Variants in TTPAL observed in about 807,000 individuals in gnomAD.
The protein encoded by TTPAL is alpha tocopherol transfer protein like, also known as alpha-tocopherol transfer protein-like.
TTPAL carries 21 observed loss-of-function variants against 28.7 expected under a neutral mutation model. The observed-to-expected ratio is 0.73, with a 90% CI of 0.52 to 1.06. TTPAL has a LOEUF of 1.06. Among genes scored for constraint, TTPAL ranks in the 50% least tolerant of loss-of-function variants. The pLI is 0.00. For missense variants in TTPAL, 345 were observed against 425.5 expected (o/e 0.81, Z 1.67); for synonymous variants, 169 against 171.9 (o/e 0.98, Z 0.13).
At chr20:44,479,417 T>C (rs937083994) in intron 1 of TTPAL, among the ~76,000 whole-genome samples, 4 of 146,528 alleles carry the variant, frequency 2.7e-5, no homozygotes, top group African/African-American at 5.0e-5. Context: ...TTTTTTTTTT[T>C]TTTTTTTTTT....
In TTPAL at chr20:44,489,991, G is replaced by A. The variant is rs988548145; in HGVS notation, c.*450G>A. On this transcript the variant is annotated 3_prime_UTR_variant, in exon 5 of 5. Coordinates refer to ENST00000262605, the MANE Select transcript of TTPAL (RefSeq NM_001039199.3). The stretch of plus-strand genomic sequence containing the variant: ...CTTCAGTGTGACCAAATGTGAGACT[G>A]GGAGTTTGTGTTTTTCACAGGAACC... The A allele has an allele frequency of 1.7e-5, 3 of 175,138 alleles. No individual in the cohort carries two copies. The highest frequency in any genetic ancestry group is 3.7e-5 in the Non-Finnish European group (3 of 80,388). The allele number at this position is 175,138 out of a possible 1,614,324, so 10.8% of individuals were successfully genotyped here.
At position 44,484,417 on chromosome 20, in the gene TTPAL, G is replaced by A; in HGVS notation, c.526G>A (p.Glu176Lys). The A allele has an allele frequency of 6.2e-7, 1 of 1,608,480 alleles. No homozygotes were observed. The highest frequency in any genetic ancestry group is 8.5e-7 in the Non-Finnish European group (1 of 1,175,304). The part of the protein sequence containing the change: ...YLTLEKLIQS[E>K]ETQVNGIVIL... ...GACCTTAGAAAAACTCATTCAGTCT[G>A]AAGAAACCCAGGTGAATGGAATTGT... Residue 176 changes from glutamate to lysine, a missense_variant, in exon 3 of 5, where the codon GAA becomes AAA. Physicochemically the swap from Glu to Lys is moderately conservative, Grantham distance 56. Transcript: ENST00000262605.
In TTPAL at chr20:44,484,397, T is replaced by C. The variant is rs1453316627; in HGVS notation, c.506T>C (p.Leu169Ser). 1.2e-6 allele frequency: 2 copies of C among 1,606,118 alleles called. No homozygotes were observed. The highest frequency in any genetic ancestry group is 8.5e-7 in the Non-Finnish European group (1 of 1,173,402). The change falls in exon 3 of 5, where the codon TTA becomes TCA. Residue 169 changes from leucine (L) to serine (S), a missense_variant. Leu to Ser is a moderately radical substitution (Grantham distance 145). Transcript: ENST00000262605. ...TENIRAIYLTLEKLIQSEETQ... is the reference protein window; with the variant it reads ...TENIRAIYLTSEKLIQSEETQ... ...AACATCCGAGCCATATACTTGACCT[T>C]AGAAAAACTCATTCAGTCTGAAGAA...
At chr20:44,484,766 A>C (rs1376311237) in intron 3 of TTPAL, among the ~76,000 whole-genome samples, 1 of 152,250 alleles carries the variant, frequency 6.6e-6, no homozygotes, top group Non-Finnish European at 1.5e-5. Flanking sequence ...AAAAAACTAG[A>C]GAATTTGCTT....
Position 44,480,206 on chromosome 20 carries a change from C to T in TTPAL, c.207C>T (p.Tyr69=), listed in dbSNP as rs201349040. 129 of 1,614,118 alleles carry T rather than the reference C, an allele frequency of 8.0e-5. No individual in the cohort carries two copies. The East Asian group carries it at 2.7e-3, about 34-fold the overall frequency. The change falls in exon 2 of 5, where the codon TAC becomes TAT. Residue 69 remains tyrosine, a synonymous_variant. Transcript: ENST00000262605. The surrounding 1 kb of genome is among the most constrained non-coding windows in gnomAD (Gnocchi z 4.1). ...QALRDMVRKE[Y]PNLSTSLDDA... ...TTCGTGACATGGTGCGGAAGGAGTA[C>T]CCCAACCTGAGCACATCCCTCGACG...
In TTPAL at chr20:44,486,585, T is replaced by G. The variant is rs771550013; in HGVS notation, c.640-11T>G. The G allele has an allele frequency of 6.4e-6, 10 of 1,566,766 alleles. No individual in the cohort carries two copies. The highest frequency in any genetic ancestry group is 7.9e-6 in the Non-Finnish European group (9 of 1,143,840). On this transcript the variant is annotated splice_polypyrimidine_tract_variant and intron_variant, in intron 3 of 4. Coordinates refer to ENST00000262605, the MANE Select transcript of TTPAL (RefSeq NM_001039199.3). The stretch of plus-strand genomic sequence containing the variant: ...CCAGATGTTCTAAACCCCTTTGCCT[T>G]TCCCACACAGGATGGTTTCCCCATT...
chr20:44,483,137 C>T (rs6031626), intron 2 of TTPAL, among the ~76,000 whole-genome samples: 11 of 152,212 alleles, frequency 7.2e-5, no homozygotes, highest in East Asian at 1.9e-4. Flanking sequence ...GGATTCCAGG[C>T]GTGAGCCACC....
intron 2 of TTPAL, among the ~76,000 whole-genome samples, chr20:44,482,920 C>T (rs1169146258): frequency 1.3e-4 from 19 of 151,990 alleles, no homozygotes; most frequent in Admixed American, 6.6e-4. Context: ...TGCAGTGGCG[C>T]GATCTCGGCT....
intron 2 of TTPAL, among the ~76,000 whole-genome samples, chr20:44,482,729 T>C (rs896369774): frequency 1.4e-4 from 22 of 152,126 alleles, no homozygotes; most frequent in South Asian, 6.2e-4. Context: ...ATTTTTTTTT[T>C]CCCAAAGAGA....
In TTPAL at chr20:44,480,793, A is replaced by G. The variant is rs1430519212; in HGVS notation, c.445+349A>G. ...AGCCACACATTTCTGCCTTTTGCAT[A>G]TCTTCTTCACACTTTTTCTGTGTAT... On this transcript the variant is annotated intron_variant, in intron 2 of 4. Coordinates refer to ENST00000262605, the MANE Select transcript of TTPAL (RefSeq NM_001039199.3). The surrounding 1 kb of genome is among the most constrained non-coding windows in gnomAD (Gnocchi z 4.1). Among the ~76,000 whole-genome samples the G allele has an allele frequency of 6.6e-6, 1 of 152,078 alleles. No homozygotes were observed.
rs1255666108 is a variant in TTPAL at position 44,480,043 on chromosome 20, CCTCA to C, written c.48_51del (p.Ser18LysfsTer17). ...TCTCTGAGAACCAGCCCTTCTGTGG[CCTCA>C]CTCTCTGAAAATGAGCTGCCACCAC... On this transcript the variant is annotated frameshift_variant, in exon 2 of 5. Coordinates refer to ENST00000262605, the MANE Select transcript of TTPAL (RefSeq NM_001039199.3). LOFTEE classifies it high-confidence loss of function. The surrounding 1 kb of genome is among the most constrained non-coding windows in gnomAD (Gnocchi z 4.1). The C allele has an allele frequency of 6.2e-7, 1 of 1,614,148 alleles. No homozygotes were observed. Among genetic ancestry groups the C allele is most frequent in the East Asian group, 2.2e-5 (1 of 44,890 alleles).
chr20:44,489,536 T>C lies in TTPAL; in HGVS notation c.1024T>C (p.Tyr342His). The C allele has an allele frequency of 6.2e-7, 1 of 1,612,386 alleles. No homozygotes were observed. The highest frequency in any genetic ancestry group is 8.5e-7 in the Non-Finnish European group (1 of 1,178,602). The change falls in exon 5 of 5, where the codon TAC becomes CAC. Residue 342 changes from tyrosine to histidine, a missense_variant. Tyr to His is a moderately conservative substitution (Grantham distance 83). Coordinates refer to ENST00000262605, the MANE Select transcript of TTPAL (RefSeq NM_001039199.3). ...TGTGAAGTCACAGCTGTACTCCTGC[T>C]ACTAGCCCGTCCCCCAGGGTCACCA... is the stretch of plus-strand genomic sequence containing the variant. ...RAVKSQLYSC[Y>H]
intron 1 of TTPAL, among the ~76,000 whole-genome samples, chr20:44,476,479 C>CT (rs2122731806): frequency 6.6e-6 from 1 of 152,194 alleles, no homozygotes; most frequent in Admixed American, 6.5e-5. Context: ...CCGGGTGTGC[C>CT]CCCTTGGGCG....
rs1052111059 is a variant in TTPAL at position 44,493,221 on chromosome 20, T to C, written c.*3680T>C. The C allele has an allele frequency of 2.0e-5, 3 of 152,212 alleles. No homozygotes were observed. The highest frequency in any genetic ancestry group is 7.2e-5 in the African/African-American group (3 of 41,426). The allele number at this position is 152,212 out of a possible 1,614,324, so 9.4% of individuals were successfully genotyped here. A position where few individuals can be genotyped will look rare whatever the true frequency, so the allele number is the denominator to read the frequency against. On this transcript the variant is annotated 3_prime_UTR_variant, in exon 5 of 5. Transcript: ENST00000262605. ...ATCACTTAAACCCAGGTGGCGGAGG[T>C]TGCAGTGAGCCGACATCGCGCCATT... is the stretch of plus-strand genomic sequence containing the variant.
intron 1 of TTPAL, among the ~76,000 whole-genome samples, chr20:44,477,050 T>C (rs988859221): frequency 6.6e-6 from 1 of 152,188 alleles, no homozygotes; most frequent in African/African-American, 2.4e-5. Context: ...AGGAACAAAT[T>C]AGAAGAGGAA....
At chr20:44,484,137 C>T (rs879863400) in intron 2 of TTPAL, among the ~76,000 whole-genome samples, 200 bp from the exon 3 acceptor site, 6 of 152,198 alleles carry the variant, frequency 3.9e-5, no homozygotes, top group Non-Finnish European at 7.3e-5. Context: ...GTATTTCCAT[C>T]ACAAAATGTG....
At position 44,493,360 on chromosome 20, in the gene TTPAL, TC is replaced by T. The variant is rs1436048440; in HGVS notation, c.*3821del. On this transcript the variant is annotated 3_prime_UTR_variant, in exon 5 of 5. Coordinates refer to ENST00000262605, the MANE Select transcript of TTPAL (RefSeq NM_001039199.3). ...GACAATAAGAGGCTTTTCTCTGAAT[TC>T]CTTTATATTGAGCCTTTCAGAATTC... 2 of 152,340 alleles carry T rather than the reference TC, an allele frequency of 1.3e-5. No individual in the cohort carries two copies. The highest frequency in any genetic ancestry group is 2.9e-5 in the Non-Finnish European group (2 of 68,034). The allele number at this position is 152,340 out of a possible 1,614,324, so 9.4% of individuals were successfully genotyped here. A position where few individuals can be genotyped will look rare whatever the true frequency, so the allele number is the denominator to read the frequency against.
intron 2 of TTPAL, among the ~76,000 whole-genome samples, chr20:44,482,087 C>T (rs2064110551): frequency 6.6e-6 from 1 of 152,180 alleles, no homozygotes; most frequent in East Asian, 1.9e-4. Context: ...GAGGCATACA[C>T]AGAAAGGTTT....
intron 3 of TTPAL, among the ~76,000 whole-genome samples, chr20:44,484,852 G>A (rs550215865): frequency 5.3e-5 from 8 of 152,288 alleles, no homozygotes; most frequent in East Asian, 3.9e-4. Context: ...GGTGGCTCAC[G>A]CCTGTAATCC....
Sources: gnomAD v4.1 joint callset for allele counts (sites outside exome capture counted in the v4.1 genomes callset) on GRCh38, gnomAD v4.1.1 for gene constraint, Gnocchi (gnomAD v3.1) non-coding constraint, MANE v1.5 for transcripts, NCBI Gene and HGNC (gene_info 2026-07-23, HGNC 2026-07-21) for gene names.